EYS: variants seen among roughly 807,000 people sequenced by gnomAD.
The protein encoded by EYS is EGF-like photoreceptor maintenance factor, also known as protein eyes shut homolog.
EYS carries 250 observed loss-of-function variants against 282.1 expected under a neutral mutation model. The observed-to-expected ratio is 0.89, with a 90% CI of 0.80 to 0.98. The LOEUF (loss-of-function observed/expected upper bound fraction) is 0.98, where lower values mean the gene tolerates loss of function less well. EYS is among the 50% of genes least tolerant of loss of function. The probability of loss-of-function intolerance (pLI) is 0.00; values close to 1 mark genes in which losing one functional copy is unlikely to be tolerated. For missense variants in EYS, 4,016 were observed against 3,709.0 expected (o/e 1.08, Z -2.15); for synonymous variants, 1,355 against 1,282.9 (o/e 1.06, Z -1.20).
intron 5 of EYS, among the ~76,000 whole-genome samples, chr6:65,486,974 TTGTC>T (rs1474194758): frequency 6.6e-6 from 1 of 151,994 alleles, no homozygotes; most frequent in African/African-American, 2.4e-5. Context: ...GGCTCTCTGT[TTGTC>T]TGTTATTGGT....
At chr6:64,542,673 C>T (rs980476834) in intron 26 of EYS, among the ~76,000 whole-genome samples, 2 of 151,982 alleles carry the variant, frequency 1.3e-5, no homozygotes, top group African/African-American at 4.8e-5. Context: ...TAAAATAACA[C>T]ATATAAAATG....
intron 26 of EYS, among the ~76,000 whole-genome samples, chr6:64,513,815 T>A (rs1777479184): frequency 6.6e-6 from 1 of 151,800 alleles, no homozygotes; most frequent in South Asian, 2.1e-4. Flanking sequence ...AAATTATAAT[T>A]GTCAATGGCG....
At chr6:64,865,130 T>C (rs1310433646) in intron 19 of EYS, among the ~76,000 whole-genome samples, 2 of 152,194 alleles carry the variant, frequency 1.3e-5, no homozygotes, top group Non-Finnish European at 2.9e-5. Flanking sequence ...ACAATCTATA[T>C]ATTTATTCAA....
At chr6:65,336,524 A>C (rs1323597024) in intron 10 of EYS, among the ~76,000 whole-genome samples, 3 of 151,546 alleles carry the variant, frequency 2.0e-5, no homozygotes, top group Non-Finnish European at 4.4e-5. Flanking sequence ...ATTTTAACCA[A>C]ATTTTTATAG....
intron 30 of EYS, among the ~76,000 whole-genome samples, chr6:64,276,934 T>G (rs1428866495): frequency 1.3e-5 from 2 of 152,080 alleles, no homozygotes; most frequent in Admixed American, 1.3e-4. Context: ...GTTATATAAA[T>G]CAAGCCAAAA....
chr6:65,179,437 C>T (rs564448929), intron 12 of EYS, among the ~76,000 whole-genome samples: 83 of 152,148 alleles, frequency 5.5e-4, no homozygotes, highest in African/African-American at 1.6e-3. Context: ...AACACCTCTG[C>T]GCAAATAAAC....
intron 40 of EYS, among the ~76,000 whole-genome samples, chr6:63,763,882 A>G (rs1237937130): frequency 7.4e-6 from 1 of 135,262 alleles, no homozygotes; most frequent in African/African-American, 3.0e-5. Context: ...ATATATATAT[A>G]TATATATATA....
intron 22 of EYS, among the ~76,000 whole-genome samples, chr6:64,661,470 A>C (rs181434484): frequency 1.3e-5 from 2 of 152,268 alleles, no homozygotes; most frequent in South Asian, 4.1e-4. Context: ...ATGGGAGAAA[A>C]TTTTTGCAAT....
intron 5 of EYS, among the ~76,000 whole-genome samples, chr6:65,482,164 A>G (rs950810376): frequency 6.6e-6 from 1 of 152,220 alleles, no homozygotes; most frequent in African/African-American, 2.4e-5. Context: ...AAAAAATGCT[A>G]CAAAATAAAG....
chr6:63,999,076 T>C lies in EYS; in HGVS notation c.6833A>G (p.Gln2278Arg). ...KKDTEISHAS[Q>R]AYFESMFLGH... ...GGAACTGGATATTTGCATACCTACC[T>C]GAGAGGCATGGGAAATCTCTGTGTC... The change falls in exon 34 of 43, where the codon CAG (glutamine) becomes CGG (arginine). Residue 2278 changes from glutamine (Q) to arginine (R), a missense_variant and splice_region_variant. Transcript: ENST00000503581. 6.5e-7 allele frequency: 1 copy of C among 1,538,060 alleles called. No homozygotes were observed. The highest frequency in any genetic ancestry group is 8.8e-7 in the Non-Finnish European group (1 of 1,134,200).
chr6:65,323,206 G>T (rs368354010), intron 11 of EYS, among the ~76,000 whole-genome samples: 274 of 144,992 alleles, frequency 1.9e-3, no homozygotes, highest in Non-Finnish European at 2.9e-3. Flanking sequence ...TCATTATTAA[G>T]ATGTTTTCAC....
At chr6:64,616,882 C>T (rs373128755) in intron 24 of EYS, among the ~76,000 whole-genome samples, 2 of 151,866 alleles carry the variant, frequency 1.3e-5, no homozygotes, top group African/African-American at 2.4e-5. Context: ...TCATGGGCTG[C>T]GGTCAGTTTT....
rs552455427 is a variant in EYS at position 64,612,113 on chromosome 6, GA to G, written c.3684+5304del. Among the ~76,000 whole-genome samples, 1,198 of 152,170 alleles carry G rather than the reference GA, an allele frequency of 7.9e-3. 26 individuals are homozygous for G. Among genetic ancestry groups the G allele is most frequent in the African/African-American group, 0.027 (1,120 of 41,550 alleles). ...TCTTCTGTGTTAGGTTTATTTTGAA[GA>G]TGACATTTAAAAACTGAACACCACA... On this transcript the variant is annotated intron_variant, in intron 24 of 42. Transcript: ENST00000503581.
chr6:65,671,285 A>G (rs914192279), intron 1 of EYS, among the ~76,000 whole-genome samples: 6 of 152,060 alleles, frequency 3.9e-5, no homozygotes, highest in Non-Finnish European at 8.8e-5. Flanking sequence ...ATATTATTTT[A>G]TTTTACATGA....
chr6:64,265,110 G>A (rs1436499337), intron 30 of EYS, among the ~76,000 whole-genome samples: 1 of 119,214 alleles, frequency 8.4e-6, no homozygotes, highest in Non-Finnish European at 1.9e-5. Context: ...CAAAATTTAA[G>A]GCACAGATTA....
chr6:64,597,362 T>C (rs1203698402), intron 24 of EYS, among the ~76,000 whole-genome samples: 2 of 152,180 alleles, frequency 1.3e-5, no homozygotes, highest in African/African-American at 2.4e-5. Flanking sequence ...GTCCCACTAC[T>C]GGGTATACAG....
chr6:65,075,735 G>A lies in EYS; in HGVS notation c.2024-18008C>T, dbSNP rs554806847. 2.0e-5 allele frequency among the ~76,000 whole-genome samples: 3 copies of A among 151,814 alleles called. No homozygotes were observed. In the South Asian group the frequency reaches 6.3e-4, roughly 32 times the overall value. ...TAAGGTAATATTTGAGTTTCTCACAGCCTAATATTTCTAAGGAGAATTATA... is the reference window on the plus strand; with the variant it reads ...TAAGGTAATATTTGAGTTTCTCACAACCTAATATTTCTAAGGAGAATTATA... On this transcript the variant is annotated intron_variant, in intron 12 of 42. Coordinates refer to ENST00000503581, the MANE Select transcript of EYS (RefSeq NM_001142800.2).
At chr6:64,486,671 A>G (rs899498114) in intron 26 of EYS, among the ~76,000 whole-genome samples, 2 of 151,398 alleles carry the variant, frequency 1.3e-5, no homozygotes, top group African/African-American at 4.8e-5. Flanking sequence ...CATGTGTTCC[A>G]CATGATCAAT....
intron 35 of EYS, among the ~76,000 whole-genome samples, chr6:63,873,351 C>CACATATAT (rs1772868929): frequency 6.6e-6 from 1 of 152,158 alleles, no homozygotes; most frequent in Non-Finnish European, 1.5e-5. Flanking sequence ...TTTATGGCTG[C>CACATATAT]ATAGTATTCC....
Sources: allele counts gnomAD v4.1 joint callset (sites outside exome capture counted in the v4.1 genomes callset), GRCh38; gene constraint gnomAD v4.1.1; transcripts MANE v1.5; gene names NCBI Gene and HGNC (gene_info 2026-07-23, HGNC 2026-07-21).